Variants in RAD17 observed in about 807,000 individuals in gnomAD.
RAD17 encodes cell cycle checkpoint protein RAD17.
In RAD17, 31 loss-of-function variants were observed where a neutral mutation model predicts 81.5. That is an observed-to-expected ratio of 0.38 (90% CI 0.29 to 0.51). RAD17 has a LOEUF of 0.51. Among genes scored for constraint, RAD17 ranks in the 20% least tolerant of loss-of-function variants. The pLI is 0.88. For synonymous variants in RAD17, 261 were observed against 266.2 expected (o/e 0.98, Z 0.19); for missense variants, 681 against 781.2 (o/e 0.87, Z 1.53).
intron 8 of RAD17, among the ~76,000 whole-genome samples, chr5:69,385,134 TA>T (rs1276403411): frequency 9.2e-5 from 14 of 151,694 alleles, no homozygotes. Context: ...TAATTTTTTG[TA>T]TTTTTTAGTA....
chr5:69,383,678 C>G (rs1475797241), intron 7 of RAD17, among the ~76,000 whole-genome samples: 3 of 152,138 alleles, frequency 2.0e-5, no homozygotes, highest in Admixed American at 1.3e-4. Flanking sequence ...CCACGCCCGG[C>G]CCATTATTAT....
intron 15 of RAD17, 97 bp downstream of exon 15, chr5:69,393,597 T>G: frequency 8.8e-7 from 1 of 1,141,088 alleles, no homozygotes; most frequent in Non-Finnish European, 1.2e-6. Context: ...GACATTATTT[T>G]ATGTGACTTT....
At chr5:69,374,493 A>G in intron 5 of RAD17, 135 bp from the exon 6 acceptor site, 1 of 562,804 alleles carries the variant, frequency 1.8e-6, no homozygotes, top group Non-Finnish European at 3.1e-6. Flanking sequence ...TATAATCAAA[A>G]GGATCATTTT....
upstream of RAD17, chr5:69,369,426 T>C (rs369731470): frequency 1.1e-4 from 184 of 1,604,348 alleles, no homozygotes; most frequent in Non-Finnish European, 1.0e-4. Context: ...GCCCCCAGCC[T>C]GCCCCAGCCC....
chr5:69,374,897 A>G (rs887705865), intron 6 of RAD17, among the ~76,000 whole-genome samples, 186 bp downstream of exon 6: 1 of 152,142 alleles, frequency 6.6e-6, no homozygotes, highest in African/African-American at 2.4e-5. Context: ...AGGCCAAGGC[A>G]GGAGGATCAC....
chr5:69,373,736 T>A, intron 4 of RAD17, 94 bp from the exon 5 acceptor site: 48 of 670,946 alleles, frequency 7.2e-5, no homozygotes, highest in Middle Eastern at 4.2e-4. Flanking sequence ...AGGTTATAAA[T>A]ATATGAATAT....
At chr5:69,395,024 C>T (rs1169414074) in intron 15 of RAD17, among the ~76,000 whole-genome samples, 1 of 152,060 alleles carries the variant, frequency 6.6e-6, no homozygotes, top group Non-Finnish European at 1.5e-5. Flanking sequence ...TGCACTCCAG[C>T]CTGGGCAATA....
rs574913872 is a variant in RAD17 at position 69,399,276 on chromosome 5, T to G, written c.1573-773T>G. Among the ~76,000 whole-genome samples, 3 of 152,106 alleles carry G rather than the reference T, an allele frequency of 2.0e-5. No individual in the cohort carries two copies. The South Asian group carries it at 6.2e-4, about 32-fold the overall frequency. On this transcript the variant is annotated intron_variant, in intron 16 of 18. Transcript: ENST00000354868. ...ATCTCTCAAAAAAATGAAAGTGAAG[T>G]ATAACACTGGCTCATATTTCTGCGT...
intron 8 of RAD17, among the ~76,000 whole-genome samples, chr5:69,385,253 C>G (rs1209447549): frequency 1.3e-5 from 2 of 150,032 alleles, no homozygotes; most frequent in African/African-American, 4.9e-5. Flanking sequence ...AGCCACCATG[C>G]CTGGCCTAAA....
At chr5:69,375,680 C>G (rs368856100) in intron 6 of RAD17, among the ~76,000 whole-genome samples, 4 of 152,222 alleles carry the variant, frequency 2.6e-5, no homozygotes, top group African/African-American at 9.6e-5. Flanking sequence ...CCATTATTCT[C>G]TCTAACAAAG....
intron 18 of RAD17, among the ~76,000 whole-genome samples, chr5:69,410,967 A>G (rs2561185): frequency 0.014 from 1,156 of 83,354 alleles, 37 homozygotes; most frequent in South Asian, 0.024. Context: ...ATGTCTGTCT[A>G]TATATATATA....
intron 15 of RAD17, among the ~76,000 whole-genome samples, chr5:69,394,056 ATT>A (rs753921631): frequency 4.8e-5 from 5 of 104,360 alleles, no homozygotes; most frequent in Non-Finnish European, 6.1e-5. Context: ...TGCCCAGCTT[ATT>A]TTTTTTTTTT....
chr5:69,372,296 A>G (rs1409419446), intron 4 of RAD17, 79 bp downstream of exon 4: 5 of 1,275,304 alleles, frequency 3.9e-6, no homozygotes, highest in Non-Finnish European at 4.6e-6. Context: ...CTGTCTTAAA[A>G]GAAGAGTGAA....
chr5:69,397,134 ATTTTATT>A (rs912855310), intron 16 of RAD17, among the ~76,000 whole-genome samples: 8 of 150,898 alleles, frequency 5.3e-5, no homozygotes, highest in Middle Eastern at 3.2e-3. Context: ...GCTCGGCCAT[ATTTTATT>A]TTTTATTTTT....
chr5:69,405,174 C>T (rs1004329063), intron 17 of RAD17, among the ~76,000 whole-genome samples: 5 of 152,072 alleles, frequency 3.3e-5, no homozygotes, highest in African/African-American at 1.2e-4. Flanking sequence ...TAAATTAGTA[C>T]AGCTGTTTTG....
chr5:69,392,800 G>A (rs1764628891), intron 13 of RAD17: 7 of 459,008 alleles, frequency 1.5e-5, no homozygotes, highest in South Asian at 7.9e-5. Context: ...TTCATGTAGA[G>A]AGCAACATCT....
chr5:69,388,869 A>G (rs1356304946), intron 11 of RAD17, among the ~76,000 whole-genome samples, 165 bp from the exon 12 acceptor site: 2 of 152,108 alleles, frequency 1.3e-5, no homozygotes, highest in Non-Finnish European at 2.9e-5. Flanking sequence ...CAGTCTCCCA[A>G]ATTGCTGAGA....
At chr5:69,399,965 T>C in intron 16 of RAD17, 84 bp from the exon 17 acceptor site, 1 of 899,810 alleles carries the variant, frequency 1.1e-6, no homozygotes. Flanking sequence ...TTGTGTAAGT[T>C]TATATAATAA....
chr5:69,387,308 C>T (rs760960337), intron 11 of RAD17, among the ~76,000 whole-genome samples: 26 of 152,052 alleles, frequency 1.7e-4, no homozygotes, highest in South Asian at 4.1e-4. Context: ...CTGCTCCCAG[C>T]GTCATGGTTT....
Sources: allele counts gnomAD v4.1 joint callset (sites outside exome capture counted in the v4.1 genomes callset), GRCh38; gene constraint gnomAD v4.1.1; transcripts MANE v1.5; gene names NCBI Gene and HGNC (gene_info 2026-07-23, HGNC 2026-07-21).